MTIF2: variants seen among roughly 807,000 people sequenced by gnomAD.
MTIF2 encodes the protein translation initiation factor IF-2, mitochondrial.
A neutral mutation model predicts 83.5 loss-of-function variants in MTIF2; 71 were observed. That is an observed-to-expected ratio of 0.85 (90% CI 0.70 to 1.04). The LOEUF (loss-of-function observed/expected upper bound fraction) is 1.04, where lower values mean the gene tolerates loss of function less well. Ranked by LOEUF, MTIF2 falls within the 50% of genes least tolerant of loss-of-function variation. The probability of loss-of-function intolerance (pLI) is 0.00; values close to 1 mark genes in which losing one functional copy is unlikely to be tolerated. For synonymous variants in MTIF2, 319 were observed against 287.1 expected (o/e 1.11, Z -1.12); for missense variants, 957 against 846.5 (o/e 1.13, Z -1.62).
At chr2:55,262,969 C>A (rs1025283251) in intron 4 of MTIF2, among the ~76,000 whole-genome samples, 1 of 152,082 alleles carries the variant, frequency 6.6e-6, no homozygotes. Flanking sequence ...TCTTGTGATC[C>A]GCCTGCCTTA....
At chr2:55,268,055 C>T (rs575200608) in intron 2 of MTIF2, among the ~76,000 whole-genome samples, 1 of 152,114 alleles carries the variant, frequency 6.6e-6, no homozygotes, top group African/African-American at 2.4e-5. Flanking sequence ...GAGTTCGAGA[C>T]CAGCCTGGCC....
At chr2:55,246,492 A>G in intron 9 of MTIF2, 31 bp from the exon 10 acceptor site, 1 of 1,579,610 alleles carries the variant, frequency 6.3e-7, no homozygotes, top group South Asian at 1.1e-5. Flanking sequence ...GTTAATACAC[A>G]TTAATAAATA....
At chr2:55,252,843 T>C (rs1490196245) in intron 7 of MTIF2, among the ~76,000 whole-genome samples, 190 bp from the exon 8 acceptor site, 3 of 152,250 alleles carry the variant, frequency 2.0e-5, no homozygotes, top group Non-Finnish European at 1.5e-5. Flanking sequence ...GAGATTCTTA[T>C]GGGTTTTTTT....
At chr2:55,242,153 A>T (rs1676367062) in intron 13 of MTIF2, among the ~76,000 whole-genome samples, 1 of 149,102 alleles carries the variant, frequency 6.7e-6, no homozygotes, top group Admixed American at 6.8e-5. Context: ...AAAAAAAAAA[A>T]AAAGAAAAAA....
rs149034173 is a variant in MTIF2, at chr2:55,256,328, A to ACAATAT, written c.332-1504_332-1503insATATTG. On this transcript the variant is annotated intron_variant, in intron 5 of 15. Coordinates refer to ENST00000263629, the MANE Select transcript of MTIF2 (RefSeq NM_002453.3). ...CACACACACACACACACACACACAC[A>ACAATAT]ATATATATCTCTGAATACATGTATC... 2.7e-3 allele frequency among the ~76,000 whole-genome samples: 372 copies of ACAATAT among 138,746 alleles called. 2 individuals carry two copies. Among genetic ancestry groups the ACAATAT allele is most frequent in the African/African-American group, 9.2e-3 (358 of 39,062 alleles). The allele number at this position is 138,746 out of a possible 152,430, so 91.0% of individuals were successfully genotyped here.
chr2:55,240,055 T>C lies in MTIF2; in HGVS notation c.1826A>G (p.Glu609Gly), dbSNP rs1676187588. The C allele has an allele frequency of 6.2e-7, 1 of 1,613,504 alleles. No homozygotes were observed. Among genetic ancestry groups the C allele is most frequent in the East Asian group, 2.2e-5 (1 of 44,870 alleles). ...IYRLVEDLQEELSSRLPCAVE... is the reference protein window; with the variant it reads ...IYRLVEDLQEGLSSRLPCAVE... The stretch of plus-strand genomic sequence containing the variant: ...AGCACAGGGTAATCTGCTGCTCAGT[T>C]CCTCTTGCAAATCTTCAACAAGACG... Residue 609 changes from glutamate (E) to glycine (G), a missense_variant, in exon 14 of 16, where the codon GAA becomes GGA. This residue lies in a region of MTIF2 where 221 missense variants were observed against 180.6 expected (regional missense o/e 1.22). Transcript: ENST00000263629.
Position 55,242,970 on chromosome 2 carries a change from T to G in MTIF2, c.1675A>C (p.Asn559His). 6.2e-7 allele frequency: 1 copy of G among 1,611,832 alleles called. No homozygotes were observed. The highest frequency in any genetic ancestry group is 2.2e-5 in the East Asian group (1 of 44,736). Residue 559 changes from asparagine to histidine, a missense_variant, in exon 13 of 16, where the codon AAT becomes CAT. Asn to His is a moderately conservative substitution (Grantham distance 68, BLOSUM62 1). This residue lies in a region of MTIF2 where 3 missense variants were observed against 17.2 expected (regional missense o/e 0.17). Coordinates refer to ENST00000263629, the MANE Select transcript of MTIF2 (RefSeq NM_002453.3). ...VHFGVGDVSA[N>H]DVNLAETFDG... The stretch of plus-strand genomic sequence containing the variant: ...AATGTTTCAGCAAGGTTAACATCAT[T>G]TGCACTTACATCACCCACTCCAAAA...
intron 10 of MTIF2, among the ~76,000 whole-genome samples, chr2:55,244,809 G>A (rs1676577331): frequency 6.6e-6 from 1 of 152,030 alleles, no homozygotes; most frequent in African/African-American, 2.4e-5. Context: ...TACTTTGGGA[G>A]GCCGAGGCAG....
intron 4 of MTIF2, 24 bp downstream of exon 4, chr2:55,263,616 A>C (rs1284224075): frequency 1.3e-6 from 2 of 1,570,626 alleles, no homozygotes; most frequent in African/African-American, 2.8e-5. Context: ...TCTCAAAAAA[A>C]AAAAAAAAGA....
chr2:55,257,388 G>A (rs1677630300), intron 5 of MTIF2, among the ~76,000 whole-genome samples: 1 of 152,190 alleles, frequency 6.6e-6, no homozygotes. Context: ...GGTTAAAGCA[G>A]GAGACTCTCT....
chr2:55,265,312 C>T (rs1028896118), intron 3 of MTIF2, among the ~76,000 whole-genome samples: 3 of 149,368 alleles, frequency 2.0e-5, no homozygotes, highest in Admixed American at 6.8e-5. Flanking sequence ...TACCATATGC[C>T]AGGCTTTCTG....
At chr2:55,261,533 G>A (rs1003585140) in intron 5 of MTIF2, among the ~76,000 whole-genome samples, 16 of 151,872 alleles carry the variant, frequency 1.1e-4, no homozygotes, top group South Asian at 2.1e-4. Context: ...CTTGAACCTG[G>A]GAGGCGGAGG....
At position 55,254,643 on chromosome 2, in the gene MTIF2, T is replaced by A. The variant is rs1054917070; in HGVS notation, c.503+11A>T. On this transcript the variant is annotated intron_variant, in intron 6 of 15. Coordinates refer to ENST00000263629, the MANE Select transcript of MTIF2 (RefSeq NM_002453.3). ...CCCCAAACCCTGCCAGTATATACAG[T>A]TAAGTTTTACCTTCTTACAGCATCT... is the stretch of plus-strand genomic sequence containing the variant. 41 of 1,587,124 alleles carry A rather than the reference T, an allele frequency of 2.6e-5. No homozygotes were observed. The highest frequency in any genetic ancestry group is 3.4e-5 in the Non-Finnish European group (40 of 1,167,280).
rs1358892930 is a variant in MTIF2, at chr2:55,245,324, C to A, written c.1106+1013G>T. 2.0e-5 allele frequency among the ~76,000 whole-genome samples: 3 copies of A among 152,074 alleles called. No individual in the cohort carries two copies. The East Asian group carries it at 5.8e-4, about 29-fold the overall frequency. Reference sequence around the variant, plus strand: ...ATCACCTGAGGTCAGGAGTTTGAGACCGGCCTGGTCAACATGGTGAAAATC... The same window carrying A: ...ATCACCTGAGGTCAGGAGTTTGAGAACGGCCTGGTCAACATGGTGAAAATC... On this transcript the variant is annotated intron_variant, in intron 10 of 15. Coordinates refer to ENST00000263629, the MANE Select transcript of MTIF2 (RefSeq NM_002453.3).
rs1678209111 is a variant in MTIF2, at chr2:55,263,632, G to GT, written c.219+7dup. 3.8e-6 allele frequency: 6 copies of GT among 1,565,688 alleles called. No homozygotes were observed. The highest frequency in any genetic ancestry group is 1.9e-5 in the Admixed American group (1 of 52,278). ...CTCAAAAAAAAAAAAAAAGAAATCT[G>GT]TAACTACCTTTTTTGTTACTAGAAG... On this transcript the variant is annotated splice_region_variant and intron_variant, in intron 4 of 15. Coordinates refer to ENST00000263629, the MANE Select transcript of MTIF2 (RefSeq NM_002453.3).
chr2:55,241,541 T>C (rs1256981366), intron 13 of MTIF2, among the ~76,000 whole-genome samples: 2 of 151,688 alleles, frequency 1.3e-5, no homozygotes, highest in African/African-American at 4.8e-5. Context: ...TTGAAAGTCC[T>C]ATCATTAAGA....
At chr2:55,237,673 C>G (rs1157840214) in intron 14 of MTIF2, among the ~76,000 whole-genome samples, 5 of 96,976 alleles carry the variant, frequency 5.2e-5, no homozygotes, top group African/African-American at 1.2e-4. Flanking sequence ...TTTTTTGAGA[C>G]AGAGTCTCAC....
At position 55,238,939 on chromosome 2, in the gene MTIF2, T is replaced by C. The variant is rs933496239; in HGVS notation, c.1870+1072A>G. ...AAAACCTAAAATAATAAATCTGTTA[T>C]GTAGACCAAAAATGCAAAATCAAAT... On this transcript the variant is annotated intron_variant, in intron 14 of 15. Transcript: ENST00000263629. Among the ~76,000 whole-genome samples the C allele has an allele frequency of 3.3e-5, 5 of 152,200 alleles. No individual in the cohort carries two copies. In the South Asian group the frequency reaches 6.2e-4, roughly 19 times the overall value.
chr2:55,267,360 T>C (rs1333114398), intron 3 of MTIF2, among the ~76,000 whole-genome samples: 2 of 152,058 alleles, frequency 1.3e-5, no homozygotes, highest in East Asian at 3.9e-4. Context: ...GGTTTCACCG[T>C]GTTGGCCAGG....
Sources: allele counts gnomAD v4.1 joint callset (sites outside exome capture counted in the v4.1 genomes callset), GRCh38; gene constraint gnomAD v4.1.1; regional missense constraint gnomAD v4.1.1; transcripts MANE v1.5; gene names NCBI Gene and HGNC (gene_info 2026-07-23, HGNC 2026-07-21).